Variants in TNRC6C observed in about 807,000 individuals in gnomAD.
TNRC6C encodes the protein trinucleotide repeat-containing gene 6C protein.
Under a neutral mutation model 153.7 loss-of-function variants are expected in TNRC6C, and 20 were observed. That is an observed-to-expected ratio of 0.13 (90% CI 0.09 to 0.19). The LOEUF is 0.19. TNRC6C is among the 10% of genes least tolerant of loss of function. The pLI, the probability that TNRC6C is intolerant of heterozygous loss-of-function variation, is 1.00. For synonymous variants in TNRC6C, 811 were observed against 841.4 expected (o/e 0.96, Z 0.63); for missense variants, 1,987 against 2,172.0 (o/e 0.91, Z 1.69).
intron 1 of TNRC6C, among the ~76,000 whole-genome samples, chr17:78,029,854 CG>C: frequency 6.6e-6 from 1 of 151,328 alleles, no homozygotes; most frequent in Non-Finnish European, 1.5e-5. Flanking sequence ...AAGGCCTACA[CG>C]AGGTCAGGAT....
rs987593804 is a variant in TNRC6C at position 77,967,405 on chromosome 17, G to GC, written c.-38+8137_-38+8138insC. Among the ~76,000 whole-genome samples the GC allele has an allele frequency of 5.9e-5, 9 of 152,238 alleles. 1 individual carries two copies. The highest frequency in any genetic ancestry group is 6.5e-5 in the Admixed American group (1 of 15,284). ...ATATTGCTTCCACAAGTCATGCGGG[G>GC]GGGGAGAGAAGATTGATAATTGAAC... On this transcript the variant is annotated intron_variant, in intron 1 of 22. Transcript: ENST00000636222.
At position 78,049,395 on chromosome 17, in the gene TNRC6C, A is replaced by T; in HGVS notation, c.333A>T (p.Val111=). Reference sequence around the variant, plus strand: ...ATGCCAACCCAGCTGCCTGGCCTGTACTTGGACATGAAGGAACCGTGGCGA... The same window carrying T: ...ATGCCAACCCAGCTGCCTGGCCTGTTCTTGGACATGAAGGAACCGTGGCGA... The change falls in exon 3 of 20, where the codon GTA becomes GTT. Residue 111 remains valine (V), a synonymous_variant. Coordinates refer to ENST00000301624, the Ensembl canonical transcript of TNRC6C. This position sits in a 1 kb window ranked among gnomAD's most constrained non-coding sequence, Gnocchi z 4.1. 2 of 1,614,010 alleles carry T rather than the reference A, an allele frequency of 1.2e-6. No homozygotes were observed. Among genetic ancestry groups the T allele is most frequent in the Non-Finnish European group, 1.7e-6 (2 of 1,179,878 alleles).
At chr17:78,053,992 A>G (rs967959184) in intron 3 of TNRC6C, among the ~76,000 whole-genome samples, 1 of 152,230 alleles carries the variant, frequency 6.6e-6, no homozygotes, top group African/African-American at 2.4e-5. Context: ...ATTATAAAGT[A>G]TAGTTACATA....
At chr17:77,982,844 A>G (rs2071100316) in intron 1 of TNRC6C, among the ~76,000 whole-genome samples, 1 of 152,232 alleles carries the variant, frequency 6.6e-6, no homozygotes, top group Admixed American at 6.5e-5. Context: ...AAAAAGGACA[A>G]GTTCAAAACA....
At chr17:78,084,983 C>T (rs981125100) in intron 11 of TNRC6C, among the ~76,000 whole-genome samples, 3 of 152,150 alleles carry the variant, frequency 2.0e-5, no homozygotes, top group African/African-American at 4.8e-5. Context: ...AGTGAGGAAT[C>T]GCTGTGGGGA....
chr17:78,034,336 C>T (rs1309173968), intron 2 of TNRC6C, among the ~76,000 whole-genome samples: 1 of 152,128 alleles, frequency 6.6e-6, no homozygotes, highest in African/African-American at 2.4e-5. Flanking sequence ...TGATTCCAGG[C>T]GTGAGCCACC....
At chr17:78,011,321 C>T (rs1332401045) in intron 1 of TNRC6C, among the ~76,000 whole-genome samples, 1 of 152,238 alleles carries the variant, frequency 6.6e-6, no homozygotes, top group Non-Finnish European at 1.5e-5. Flanking sequence ...GTGACCTTTT[C>T]TGATCCATCT....
chr17:78,086,328 TAAAAAAAA>T lies in TNRC6C; in HGVS notation c.3478-150_3478-143del, dbSNP rs58348772. ...CTGGATGACAGAGCGAGACTCCATC[TAAAAAAAA>T]AAAAAAAAAAAAAAAAAAAAAAAAC... is the stretch of plus-strand genomic sequence containing the variant. On this transcript the variant is annotated intron_variant, in intron 11 of 19. Coordinates refer to ENST00000301624, the Ensembl canonical transcript of TNRC6C. Among the ~76,000 whole-genome samples the T allele has an allele frequency of 8.9e-3, 472 of 53,282 alleles. 1 individual carries two copies. The highest frequency in any genetic ancestry group is 0.026 in the African/African-American group (447 of 16,970). The allele number at this position is 53,282 out of a possible 152,430, so 35.0% of individuals were successfully genotyped here.
In TNRC6C at chr17:78,077,340, G is replaced by C. The variant is rs2073102927; in HGVS notation, c.3210+6G>C. 1 of 1,568,384 alleles carries C rather than the reference G, an allele frequency of 6.4e-7. No homozygotes were observed. The highest frequency in any genetic ancestry group is 1.4e-5 in the African/African-American group (1 of 73,738). On this transcript the variant is annotated splice_donor_region_variant and intron_variant, in intron 9 of 19. Coordinates refer to ENST00000301624, the Ensembl canonical transcript of TNRC6C. The stretch of plus-strand genomic sequence containing the variant: ...ACTTGAATTCTTCTAGACAGGTAAG[G>C]CTGTTTGGAGAGAGCAAAACATGGC...
chr17:78,108,820 G>A (rs2073762344), exon 20 of TNRC6C: 1 of 151,932 alleles, frequency 6.6e-6, no homozygotes, highest in African/African-American at 2.4e-5. Flanking sequence ...TTTTTAAATG[G>A]CAGTTTCAGA....
intron 1 of TNRC6C, among the ~76,000 whole-genome samples, chr17:77,965,188 T>C (rs1279704007): frequency 6.6e-6 from 1 of 152,220 alleles, no homozygotes; most frequent in Non-Finnish European, 1.5e-5. Context: ...ATCCTATAGC[T>C]TATAGGAGAT....
chr17:78,053,046 T>C (rs1449710673), intron 3 of TNRC6C, among the ~76,000 whole-genome samples: 2 of 152,206 alleles, frequency 1.3e-5, no homozygotes, highest in Non-Finnish European at 2.9e-5. Flanking sequence ...TCAGAGCCAC[T>C]TGCCTTCATA....
intron 7 of TNRC6C, among the ~76,000 whole-genome samples, chr17:78,073,829 T>C (rs1049966723): frequency 2.6e-5 from 4 of 152,242 alleles, no homozygotes; most frequent in African/African-American, 9.6e-5. Context: ...CCCTGGATAA[T>C]GTGACCATAA....
chr17:77,999,351 A>T (rs552279881), upstream of TNRC6C, among the ~76,000 whole-genome samples: 8 of 152,320 alleles, frequency 5.3e-5, no homozygotes, highest in African/African-American at 1.9e-4. Context: ...AAGGTTTGAG[A>T]AAAGGAAATG....
intron 2 of TNRC6C, among the ~76,000 whole-genome samples, chr17:78,036,228 C>T (rs899023236): frequency 6.6e-6 from 1 of 152,078 alleles, no homozygotes; most frequent in African/African-American, 2.4e-5. Context: ...CTCTTTGTGC[C>T]CTCCCCCCAG....
chr17:78,067,026 A>G (rs1235139208), intron 4 of TNRC6C: 2 of 152,230 alleles, frequency 1.3e-5, no homozygotes, highest in Non-Finnish European at 2.9e-5. Flanking sequence ...AGGATGAGAT[A>G]CAGATTTATG....
upstream of TNRC6C, among the ~76,000 whole-genome samples, chr17:77,957,844 C>T (rs2070819852): frequency 6.6e-6 from 1 of 152,240 alleles, no homozygotes; most frequent in South Asian, 2.1e-4. Flanking sequence ...CGGCGGCGTA[C>T]GGAGCACCGG....
intron 1 of TNRC6C, among the ~76,000 whole-genome samples, chr17:77,989,265 T>G (rs1335812307): frequency 6.6e-6 from 1 of 152,234 alleles, no homozygotes. Flanking sequence ...CTGGACCTAC[T>G]TCCATGCAAG....
intron 1 of TNRC6C, among the ~76,000 whole-genome samples, chr17:78,009,755 A>G (rs1206851927): frequency 1.3e-5 from 2 of 152,074 alleles, no homozygotes; most frequent in African/African-American, 2.4e-5. Context: ...GGGTTTCACC[A>G]TGTTTGCCAG....
Sources: gnomAD v4.1 joint callset for allele counts (sites outside exome capture counted in the v4.1 genomes callset) on GRCh38, gnomAD v4.1.1 for gene constraint, Gnocchi (gnomAD v3.1) non-coding constraint, MANE v1.5 for transcripts, NCBI Gene and HGNC (gene_info 2026-07-23, HGNC 2026-07-21) for gene names.